The following ACER2 variants were observed in gnomAD, a reference collection of about 807,000 sequenced individuals.
ACER2 encodes the protein alkCDase 2.
Under a neutral mutation model 34.7 loss-of-function variants are expected in ACER2, and 26 were observed. The observed-to-expected ratio is 0.75, with a 90% CI of 0.55 to 1.04. The LOEUF (loss-of-function observed/expected upper bound fraction) is 1.04. ACER2 is among the 50% of genes least tolerant of loss of function. ACER2 has a pLI of 0.00. For synonymous variants in ACER2, 138 were observed against 132.1 expected, an observed-to-expected ratio of 1.04 and a Z score of -0.31; for missense variants, 352 against 340.8, an observed-to-expected ratio of 1.03 and a Z score of -0.26.
intron 3 of ACER2, among the ~76,000 whole-genome samples, chr9:19,434,095 G>T (rs1405774178): frequency 6.6e-6 from 1 of 151,116 alleles, no homozygotes; most frequent in African/African-American, 2.4e-5. Flanking sequence ...CTCCCAGACG[G>T]GGTGGCGGCC....
chr9:19,411,267 C>T (rs962527512), intron 1 of ACER2, among the ~76,000 whole-genome samples: 1 of 152,220 alleles, frequency 6.6e-6, no homozygotes, highest in Non-Finnish European at 1.5e-5. Context: ...ACTCATAAAC[C>T]ACAAAATTTG....
chr9:19,438,234 G>A (rs1034936433), intron 4 of ACER2, among the ~76,000 whole-genome samples: 1 of 152,196 alleles, frequency 6.6e-6, no homozygotes, highest in African/African-American at 2.4e-5. Context: ...TAGTCTTGCA[G>A]TAAGGATTAA....
At chr9:19,444,610 G>A (rs1192176805) in intron 4 of ACER2, among the ~76,000 whole-genome samples, 1 of 152,206 alleles carries the variant, frequency 6.6e-6, no homozygotes, top group Non-Finnish European at 1.5e-5. Context: ...GGTTGTGGAC[G>A]AGCTTGCACT....
chr9:19,423,680 G>T (rs1205721457), intron 1 of ACER2, among the ~76,000 whole-genome samples, 182 bp from the exon 2 acceptor site: 3 of 152,206 alleles, frequency 2.0e-5, no homozygotes, highest in African/African-American at 2.4e-5. Context: ...CAGCCTTCCA[G>T]CCTGGGTGAC....
At chr9:19,426,314 TTCTTTC>T (rs986856906) in intron 3 of ACER2, among the ~76,000 whole-genome samples, 3 of 150,464 alleles carry the variant, frequency 2.0e-5, no homozygotes, top group African/African-American at 7.4e-5. Context: ...TTCTCTTTCT[TTCTTTC>T]TTTTTCTTTC....
At chr9:19,421,780 A>G (rs1456585879) in intron 1 of ACER2, among the ~76,000 whole-genome samples, 2 of 126,804 alleles carry the variant, frequency 1.6e-5, no homozygotes, top group Non-Finnish European at 3.2e-5. Context: ...TAAAGTTCAG[A>G]AAAAAAAAGC....
intron 1 of ACER2, among the ~76,000 whole-genome samples, chr9:19,410,063 G>T (rs1445057726): frequency 6.6e-6 from 1 of 152,192 alleles, no homozygotes; most frequent in East Asian, 1.9e-4. Flanking sequence ...GGTCATTTCT[G>T]TGGCTTATCT....
chr9:19,451,998 T>G lies in ACER2; in HGVS notation c.*1362T>G, dbSNP rs1365821212. The G allele has an allele frequency of 1.3e-5, 2 of 152,634 alleles. No individual in the cohort carries two copies. Among genetic ancestry groups the G allele is most frequent in the East Asian group, 3.8e-4 (2 of 5,196 alleles). The allele number at this position is 152,634 out of a possible 1,614,324, so 9.5% of individuals were successfully genotyped here. On this transcript the variant is annotated 3_prime_UTR_variant, in exon 6 of 6. Transcript: ENST00000340967. The stretch of plus-strand genomic sequence containing the variant: ...GCACTCACGGGCTGGTTTGGGTCGC[T>G]GGTGCAGCAGCGCAAATCTGTTGCC...
intron 3 of ACER2, among the ~76,000 whole-genome samples, chr9:19,431,578 C>T (rs1021844213): frequency 3.9e-5 from 6 of 152,202 alleles, no homozygotes; most frequent in African/African-American, 1.4e-4. Flanking sequence ...GGGCCCTGCA[C>T]GTGATGGCTG....
At chr9:19,447,996 GA>G (rs1831422932) in intron 5 of ACER2, among the ~76,000 whole-genome samples, 1 of 128,964 alleles carries the variant, frequency 7.8e-6, no homozygotes, top group Non-Finnish European at 1.7e-5. Context: ...TTCTATACAC[GA>G]TGCAAACTTT....
chr9:19,420,809 G>A (rs1417005024), intron 1 of ACER2, among the ~76,000 whole-genome samples: 3 of 152,184 alleles, frequency 2.0e-5, no homozygotes, highest in African/African-American at 7.2e-5. Flanking sequence ...TTCAAAGACG[G>A]AGTATATGCT....
intron 5 of ACER2, 69 bp downstream of exon 5, chr9:19,446,487 C>G: frequency 6.2e-7 from 1 of 1,604,972 alleles, no homozygotes; most frequent in East Asian, 2.2e-5. Flanking sequence ...GCTCTGTTCA[C>G]CCTGCAAGTG....
intron 4 of ACER2, among the ~76,000 whole-genome samples, chr9:19,443,399 C>G (rs1174734342): frequency 6.6e-6 from 1 of 152,182 alleles, no homozygotes; most frequent in Non-Finnish European, 1.5e-5. Flanking sequence ...ATCTCCTGAC[C>G]TCGTGATCCC....
At chr9:19,449,357 T>A (rs1831483559) in intron 5 of ACER2, among the ~76,000 whole-genome samples, 2 of 152,208 alleles carry the variant, frequency 1.3e-5, no homozygotes, top group Non-Finnish European at 2.9e-5. Flanking sequence ...ACCCTGACCC[T>A]GATTAATTTC....
chr9:19,415,424 G>A (rs2132459448), intron 1 of ACER2, among the ~76,000 whole-genome samples: 1 of 152,160 alleles, frequency 6.6e-6, no homozygotes, highest in South Asian at 2.1e-4. Context: ...GAACCTGGGA[G>A]GCGGAGGTTG....
At position 19,409,037 on chromosome 9, in the gene ACER2, G is replaced by C. The variant is rs1830002106; in HGVS notation, c.-48G>C. On this transcript the variant is annotated 5_prime_UTR_variant, in exon 1 of 6. Transcript: ENST00000340967. ...GCGTTTTGCCTCCGCAGCAGCTCTG[G>C]GCTCTTCTCAGCTGCGCGAGCAGCT... is the stretch of plus-strand genomic sequence containing the variant. 12 of 1,492,644 alleles carry C rather than the reference G, an allele frequency of 8.0e-6. No individual in the cohort carries two copies. The highest frequency in any genetic ancestry group is 1.1e-5 in the Non-Finnish European group (12 of 1,110,984). 92.5% of individuals were successfully genotyped at this position (1,492,644 alleles called of 1,614,324 possible).
At chr9:19,410,120 T>C (rs921857754) in intron 1 of ACER2, among the ~76,000 whole-genome samples, 1 of 152,242 alleles carries the variant, frequency 6.6e-6, no homozygotes, top group Non-Finnish European at 1.5e-5. Flanking sequence ...TTTGGGTCAT[T>C]GTGAATTTGA....
intron 5 of ACER2, 58 bp downstream of exon 5, chr9:19,446,476 G>A: frequency 6.2e-7 from 1 of 1,609,852 alleles, no homozygotes; most frequent in East Asian, 2.2e-5. Flanking sequence ...CTTGCTGTTG[G>A]GCTCTGTTCA....
chr9:19,422,432 A>T (rs1449150863), intron 1 of ACER2, among the ~76,000 whole-genome samples: 2 of 152,248 alleles, frequency 1.3e-5, no homozygotes, highest in Non-Finnish European at 2.9e-5. Context: ...ATGCCCATGG[A>T]GACATAACAG....
Sources: allele counts gnomAD v4.1 joint callset (sites outside exome capture counted in the v4.1 genomes callset), GRCh38; gene constraint gnomAD v4.1.1; transcripts MANE v1.5; gene names NCBI Gene and HGNC (gene_info 2026-07-23, HGNC 2026-07-21).